MAST4: variants seen among roughly 807,000 people sequenced by gnomAD.
The protein encoded by MAST4 is microtubule associated serine/threonine kinase family member 4.
In MAST4, 89 loss-of-function variants were observed where a neutral mutation model predicts 162.7. The ratio of observed to expected loss-of-function variants is 0.55; its 90% CI spans 0.46 to 0.65. MAST4 has a LOEUF of 0.65. Ranked by LOEUF, MAST4 falls within the 30% of genes least tolerant of loss-of-function variation. MAST4 has a pLI of 0.00. For synonymous variants in MAST4, 1,479 were observed against 1,361.1 expected (o/e 1.09, Z -1.91); for missense variants, 3,153 against 3,374.0 (o/e 0.93, Z 1.62).
At chr5:66,922,225 C>A (rs1345545491) in intron 4 of MAST4, among the ~76,000 whole-genome samples, 2 of 152,182 alleles carry the variant, frequency 1.3e-5, no homozygotes, top group African/African-American at 4.8e-5. Flanking sequence ...GTAATTGTTA[C>A]CTGAGTGCTC....
At chr5:66,837,886 ATATATATAT>A (rs1280196610) in intron 3 of MAST4, among the ~76,000 whole-genome samples, 179 of 52,806 alleles carry the variant, frequency 3.4e-3, no homozygotes, top group African/African-American at 0.013. Context: ...ATATATATAT[ATATATATAT>A]TTTTTTTTTT....
chr5:66,892,961 A>G (rs1762452258), intron 3 of MAST4, among the ~76,000 whole-genome samples: 1 of 152,206 alleles, frequency 6.6e-6, no homozygotes, highest in Non-Finnish European at 1.5e-5. Context: ...CTAGACAGTC[A>G]TATCATGACT....
intron 3 of MAST4, among the ~76,000 whole-genome samples, chr5:66,806,057 C>T (rs145954980): frequency 6.1e-4 from 93 of 152,250 alleles, no homozygotes; most frequent in Middle Eastern, 6.8e-3. Context: ...AAAGGAGAAG[C>T]GAAACATTAA....
At chr5:67,083,153 G>A (rs541761841) in intron 5 of MAST4, among the ~76,000 whole-genome samples, 4 of 152,288 alleles carry the variant, frequency 2.6e-5, no homozygotes, top group Admixed American at 1.3e-4. Flanking sequence ...TAGATTCTTG[G>A]CACATCACGT....
chr5:67,162,540 TGGTATTTTG>T, intron 27 of MAST4, 58 bp from the exon 28 acceptor site: 1 of 1,443,110 alleles, frequency 6.9e-7, no homozygotes, highest in Non-Finnish European at 9.7e-7. Flanking sequence ...CTGAGCACAA[TGGTATTTTG>T]GGGAGGCAGC....
At chr5:66,599,495 G>A in intron 1 of MAST4, among the ~76,000 whole-genome samples, 1 of 152,212 alleles carries the variant, frequency 6.6e-6, no homozygotes, top group Non-Finnish European at 1.5e-5. Context: ...TAGCATTAGA[G>A]TTAGGCATTT....
At chr5:66,637,435 AT>A (rs1342773701) in intron 1 of MAST4, among the ~76,000 whole-genome samples, 1 of 151,868 alleles carries the variant, frequency 6.6e-6, no homozygotes, top group Non-Finnish European at 1.5e-5. Context: ...GTATATTAGT[AT>A]TTTTCTCATG....
intron 19 of MAST4, among the ~76,000 whole-genome samples, chr5:67,140,814 C>G (rs1436835107): frequency 6.6e-6 from 1 of 152,208 alleles, no homozygotes; most frequent in African/African-American, 2.4e-5. Flanking sequence ...GCTGCTCATG[C>G]TTACAGTCAG....
intron 1 of MAST4, among the ~76,000 whole-genome samples, chr5:66,730,379 C>T (rs1358521847): frequency 6.6e-6 from 1 of 152,086 alleles, no homozygotes; most frequent in Non-Finnish European, 1.5e-5. Context: ...TATACATTCC[C>T]CCCAACCCCC....
At chr5:66,728,046 A>G (rs1309261136) in intron 1 of MAST4, among the ~76,000 whole-genome samples, 2 of 152,300 alleles carry the variant, frequency 1.3e-5, no homozygotes, top group African/African-American at 2.4e-5. Flanking sequence ...ATAATACCAT[A>G]TACTGGGTTT....
intron 4 of MAST4, among the ~76,000 whole-genome samples, chr5:66,939,867 T>G (rs893010613): frequency 6.6e-6 from 1 of 152,140 alleles, no homozygotes; most frequent in Non-Finnish European, 1.5e-5. Flanking sequence ...TAAACTATAC[T>G]GTAGTCTATT....
In MAST4 at chr5:66,907,158, C is replaced by CAAGA. The variant is rs1554066737; in HGVS notation, c.674+7176_674+7177insAAGA. Reference sequence around the variant, plus strand: ...AAAGGAAAAATAACTCTCAGCAAAGCGAGAGAGAGAGAGAGAGAGAGAGAG... The same window carrying CAAGA: ...AAAGGAAAAATAACTCTCAGCAAAGCAAGAGAGAGAGAGAGAGAGAGAGAGAGAG... On this transcript the variant is annotated intron_variant, in intron 4 of 28. Coordinates refer to ENST00000403625, the MANE Select transcript of MAST4 (RefSeq NM_001164664.2). Among the ~76,000 whole-genome samples, 119 of 104,354 alleles carry CAAGA rather than the reference C, an allele frequency of 1.1e-3. 2 individuals are homozygous for CAAGA. Among genetic ancestry groups the CAAGA allele is most frequent in the South Asian group, 5.6e-3 (15 of 2,692 alleles). The allele number at this position is 104,354 out of a possible 152,430, so 68.5% of individuals were successfully genotyped here. A position where few individuals can be genotyped will look rare whatever the true frequency, so the allele number is the denominator to read the frequency against.
At chr5:67,074,790 G>A (rs368873342) in intron 5 of MAST4, among the ~76,000 whole-genome samples, 1 of 152,058 alleles carries the variant, frequency 6.6e-6, no homozygotes, top group African/African-American at 2.4e-5. Context: ...TAGGATTATC[G>A]ATTTCATTTT....
At chr5:67,019,341 T>TG (rs778106338) in intron 4 of MAST4, among the ~76,000 whole-genome samples, 7 of 152,188 alleles carry the variant, frequency 4.6e-5, no homozygotes, top group Non-Finnish European at 1.0e-4. Flanking sequence ...GGGCTCACAT[T>TG]TCAGGTCCTG....
At position 67,165,982 on chromosome 5, in the gene MAST4, A is replaced by G; in HGVS notation, c.6803A>G (p.Glu2268Gly). 6.2e-7 allele frequency: 1 copy of G among 1,613,436 alleles called. No individual in the cohort carries two copies. The highest frequency in any genetic ancestry group is 2.2e-5 in the East Asian group (1 of 44,854). ...GCCAGCGATGGGATTGGCCAGGGAG[A>G]AGGTGGGCCCTCTGTCCCACTGCAC... The part of the protein sequence containing the change: ...NKASDGIGQG[E>G]GGPSVPLHTD... Residue 2268 changes from glutamate to glycine, a missense_variant, in exon 29 of 29, where the codon GAA becomes GGA. By Grantham distance (98) the Glu-to-Gly change is moderately conservative (BLOSUM62 -2). This residue lies in a region of MAST4 where 1,644 missense variants were observed against 1,495.0 expected (regional missense o/e 1.10). Transcript: ENST00000403625.
intron 4 of MAST4, among the ~76,000 whole-genome samples, chr5:66,982,053 T>C (rs757241082): frequency 6.6e-6 from 1 of 152,198 alleles, no homozygotes; most frequent in Admixed American, 6.5e-5. Context: ...TGTTTGATGA[T>C]GTTATTCTTA....
At chr5:66,978,312 A>G (rs1157569710) in intron 4 of MAST4, among the ~76,000 whole-genome samples, 1 of 152,200 alleles carries the variant, frequency 6.6e-6, no homozygotes, top group Non-Finnish European at 1.5e-5. Context: ...AAGGAAGTAA[A>G]GACCTAAAAT....
At chr5:66,930,067 G>A (rs1561455163) in intron 4 of MAST4, among the ~76,000 whole-genome samples, 1 of 152,078 alleles carries the variant, frequency 6.6e-6, no homozygotes, top group Admixed American at 6.6e-5. Flanking sequence ...CCAACCAAGT[G>A]GAATGAAGAA....
intron 6 of MAST4, among the ~76,000 whole-genome samples, chr5:67,091,561 TA>T (rs1408830979): frequency 6.6e-6 from 1 of 152,228 alleles, no homozygotes; most frequent in African/African-American, 2.4e-5. Context: ...GTGGAAAGAA[TA>T]TCCTATAAAA....
Sources: gnomAD v4.1 joint callset for allele counts (sites outside exome capture counted in the v4.1 genomes callset) on GRCh38, gnomAD v4.1.1 for gene constraint, gnomAD v4.1.1 regional missense constraint, MANE v1.5 for transcripts, NCBI Gene and HGNC (gene_info 2026-07-23, HGNC 2026-07-21) for gene names.